Variants in ZG16 observed in about 807,000 individuals in gnomAD.
The protein encoded by ZG16 is zymogen granule protein 16.
A neutral mutation model predicts 15.6 loss-of-function variants in ZG16; 9 were observed. The ratio of observed to expected loss-of-function variants is 0.58; its 90% CI spans 0.35 to 1.00. The LOEUF (loss-of-function observed/expected upper bound fraction) is 1.00. ZG16 is among the 50% of genes least tolerant of loss of function. The pLI, the probability that ZG16 is intolerant of heterozygous loss-of-function variation, is 0.02. For missense variants in ZG16, 174 were observed against 214.8 expected (o/e 0.81, Z 1.19); for synonymous variants, 89 against 87.4 (o/e 1.02, Z -0.10).
At chr16:29,778,924 G>A (rs1024541014) in intron 1 of ZG16, among the ~76,000 whole-genome samples, 1 of 152,168 alleles carries the variant, frequency 6.6e-6, no homozygotes, top group East Asian at 1.9e-4. Context: ...ACCTGGGCTT[G>A]GCTGACTTCA....
At position 29,779,550 on chromosome 16, in the gene ZG16, G is replaced by A. The variant is rs1339417269; in HGVS notation, c.101G>A (p.Gly34Asp). 1 of 1,537,046 alleles carries A rather than the reference G, an allele frequency of 6.5e-7. No individual in the cohort carries two copies. Among genetic ancestry groups the A allele is most frequent in the Non-Finnish European group, 8.7e-7 (1 of 1,146,920 alleles). Residue 34 changes from glycine to aspartate, a missense_variant, in exon 3 of 4, where the codon GGT becomes GAT. Gly to Asp is a moderately conservative substitution (Grantham distance 94). Coordinates refer to ENST00000400752, the MANE Select transcript of ZG16 (RefSeq NM_152338.4). ...TATAGTGGAGAGTATGGAGGTGGTG[G>A]TGGAAAGCGATTCTCTCATTCTGGC... The part of the protein sequence containing the change: ...SSYSGEYGGG[G>D]GKRFSHSGNQ...
Position 29,780,271 on chromosome 16 carries a change from C to A in ZG16, c.356C>A (p.Ser119Tyr). 1 of 1,537,520 alleles carries A rather than the reference C, an allele frequency of 6.5e-7. No individual in the cohort carries two copies. The highest frequency in any genetic ancestry group is 8.7e-7 in the Non-Finnish European group (1 of 1,146,962). Reference protein sequence around the residue: ...VFVTDKGRYLSFGKDSGTSFN... With the variant: ...VFVTDKGRYLYFGKDSGTSFN... ...GTGACAGACAAGGGCCGCTATCTGT[C>A]TTTTGGGAAAGACAGTGGCACAAGT... The change falls in exon 4 of 4, where the codon TCT becomes TAT. Residue 119 changes from serine to tyrosine, a missense_variant. Physicochemically the swap from Ser to Tyr is moderately radical, Grantham distance 144 (BLOSUM62 -2). Transcript: ENST00000400752.
At position 29,780,189 on chromosome 16, in the gene ZG16, G is replaced by A. The variant is rs747455915; in HGVS notation, c.274G>A (p.Glu92Lys). The A allele has an allele frequency of 2.6e-6, 4 of 1,537,364 alleles. 1 individual carries two copies. Reference protein sequence around the residue: ...DLEEIFLHPGESVIQVSGKYK... With the variant: ...DLEEIFLHPGKSVIQVSGKYK... ...GGAGGAGATCTTTCTGCACCCTGGG[G>A]AATCAGTGATCCAGGTTTCTGGGAA... Residue 92 changes from glutamate (E) to lysine (K), a missense_variant, in exon 4 of 4, where the codon GAA (glutamate) becomes AAA (lysine). Coordinates refer to ENST00000400752, the MANE Select transcript of ZG16 (RefSeq NM_152338.4).
Position 29,780,303 on chromosome 16 carries a change from G to A in ZG16, c.388G>A (p.Ala130Thr), listed in dbSNP as rs553364691. Reference protein sequence around the residue: ...FGKDSGTSFNAVPLHPNTVLR... With the variant: ...FGKDSGTSFNTVPLHPNTVLR... ...GAAAGACAGTGGCACAAGTTTCAAT[G>A]CCGTCCCCTTGCACCCCAACACCGT... The change falls in exon 4 of 4, where the codon GCC becomes ACC. Residue 130 changes from alanine to threonine, a missense_variant. Transcript: ENST00000400752. The A allele has an allele frequency of 6.5e-7, 1 of 1,537,412 alleles. No individual in the cohort carries two copies. The highest frequency in any genetic ancestry group is 1.4e-5 in the African/African-American group (1 of 73,170).
At chr16:29,779,231 C>A in intron 1 of ZG16, 29 bp from the exon 2 acceptor site, 1 of 1,536,726 alleles carries the variant, frequency 6.5e-7, no homozygotes, top group South Asian at 1.2e-5. Flanking sequence ...GAAGGTGAAT[C>A]TTCATTTGCT....
chr16:29,779,724 C>T, intron 3 of ZG16, 87 bp downstream of exon 3: 2 of 1,459,960 alleles, frequency 1.4e-6, no homozygotes, highest in East Asian at 2.5e-5. Context: ...TCGCTTGAGG[C>T]CAGGAGTTCT....
intron 3 of ZG16, 122 bp downstream of exon 3, chr16:29,779,759 G>T: frequency 7.9e-7 from 1 of 1,258,178 alleles, no homozygotes; most frequent in Non-Finnish European, 1.1e-6. Flanking sequence ...AAGATGCCAG[G>T]GATGCCAGGG....
Position 29,779,656 on chromosome 16 carries a change from C to T in ZG16, c.188+19C>T, listed in dbSNP as rs578110863. 6.5e-7 allele frequency: 1 copy of T among 1,536,544 alleles called. No individual in the cohort carries two copies. Among genetic ancestry groups the T allele is most frequent in the African/African-American group, 1.4e-5 (1 of 73,094 alleles). On this transcript the variant is annotated intron_variant, in intron 3 of 3. Transcript: ENST00000400752. ...TCGTAGGGTAAGATTCTTTGAATTC[C>T]TGGCTGGGCGCGGTGGCTCACATCT...
At chr16:29,779,124 C>A in intron 1 of ZG16, 136 bp from the exon 2 acceptor site, 1 of 794,006 alleles carries the variant, frequency 1.3e-6, no homozygotes, top group Non-Finnish European at 2.1e-6. Flanking sequence ...CCTTTCTAAG[C>A]TCAAGACTGG....
Position 29,780,302 on chromosome 16 carries a change from T to C in ZG16, c.387T>C (p.Asn129=), listed in dbSNP as rs1458883946. 1 of 1,537,428 alleles carries C rather than the reference T, an allele frequency of 6.5e-7. No homozygotes were observed. The highest frequency in any genetic ancestry group is 8.7e-7 in the Non-Finnish European group (1 of 1,146,954). ...GGAAAGACAGTGGCACAAGTTTCAA[T>C]GCCGTCCCCTTGCACCCCAACACCG... ...SFGKDSGTSF[N]AVPLHPNTVL... The change falls in exon 4 of 4, where the codon AAT becomes AAC. Residue 129 remains asparagine (N), a synonymous_variant. Transcript: ENST00000400752.
At chr16:29,779,419 A>T in intron 2 of ZG16, 86 bp from the exon 3 acceptor site, 1 of 1,534,732 alleles carries the variant, frequency 6.5e-7, no homozygotes, top group Non-Finnish European at 8.7e-7. Context: ...TGGGGTGGGG[A>T]GCTGAGTTGT....
chr16:29,780,493 T>C lies in ZG16; in HGVS notation c.*74T>C. The C allele has an allele frequency of 6.6e-6, 8 of 1,218,652 alleles. No homozygotes were observed. The highest frequency in any genetic ancestry group is 7.4e-6 in the Non-Finnish European group (7 of 944,150). The allele number at this position is 1,218,652 out of a possible 1,614,324, so 75.5% of individuals were successfully genotyped here. ...TATCACTAACCCCCATCCAAATGGC[T>C]CAATAAAAAAAATATGGTTAAGGCT... On this transcript the variant is annotated 3_prime_UTR_variant, in exon 4 of 4. Coordinates refer to ENST00000400752, the MANE Select transcript of ZG16 (RefSeq NM_152338.4).
Position 29,779,492 on chromosome 16 carries a change from C to G in ZG16, c.56-13C>G. The G allele has an allele frequency of 6.5e-7, 1 of 1,536,546 alleles. No individual in the cohort carries two copies. Among genetic ancestry groups the G allele is most frequent in the Non-Finnish European group, 8.7e-7 (1 of 1,146,340 alleles). ...GGAAGATTTCTCCCTCCAACTCCTG[C>G]TTGCCCCTCCAGTTCAGGCCAGGTC... is the stretch of plus-strand genomic sequence containing the variant. On this transcript the variant is annotated splice_polypyrimidine_tract_variant and intron_variant, in intron 2 of 3. Transcript: ENST00000400752.
chr16:29,781,842 C>T lies in ZG16; in HGVS notation c.*1423C>T, dbSNP rs1328961822. 6.6e-6 allele frequency: 1 copy of T among 152,054 alleles called. No individual in the cohort carries two copies. The highest frequency in any genetic ancestry group is 1.9e-4 in the East Asian group (1 of 5,186). The allele number at this position is 152,054 out of a possible 1,614,324, so 9.4% of individuals were successfully genotyped here. ...TATGTCACATCCTAACAAAATGGAA[C>T]CAACCTGACACCTAAATTAAGCATT... is the stretch of plus-strand genomic sequence containing the variant. On this transcript the variant is annotated 3_prime_UTR_variant, in exon 4 of 4. Transcript: ENST00000400752.
Position 29,780,448 on chromosome 16 carries a change from A to G in ZG16, c.*29A>G, listed in dbSNP as rs1294590032. ...TCCTCTCCTTGGCAGGGGCACTGTGATGAGGAGTAAGAACTCCCTTATCAC... is the reference window on the plus strand; with the variant it reads ...TCCTCTCCTTGGCAGGGGCACTGTGGTGAGGAGTAAGAACTCCCTTATCAC... On this transcript the variant is annotated 3_prime_UTR_variant, in exon 4 of 4. Coordinates refer to ENST00000400752, the MANE Select transcript of ZG16 (RefSeq NM_152338.4). The G allele has an allele frequency of 6.7e-7, 1 of 1,498,996 alleles. No homozygotes were observed. The highest frequency in any genetic ancestry group is 2.5e-5 in the East Asian group (1 of 40,480). The allele number at this position is 1,498,996 out of a possible 1,614,324, so 92.9% of individuals were successfully genotyped here. A position where few individuals can be genotyped will look rare whatever the true frequency, so the allele number is the denominator to read the frequency against.
At chr16:29,779,221 G>A (rs578227344) in intron 1 of ZG16, 39 bp from the exon 2 acceptor site, 17 of 1,534,714 alleles carry the variant, frequency 1.1e-5, no homozygotes, top group South Asian at 6.0e-5. Context: ...CAACAAGGAA[G>A]AAGGTGAATC....
chr16:29,779,578 C>A lies in ZG16; in HGVS notation c.129C>A (p.Asn43Lys), dbSNP rs1197329232. The change falls in exon 3 of 4, where the codon AAC (asparagine) becomes AAA (lysine). Residue 43 changes from asparagine (N) to lysine (K), a missense_variant. Transcript: ENST00000400752. ...GAAAGCGATTCTCTCATTCTGGCAA[C>A]CAGTTGGACGGCCCCATCACCGCCC... ...GGGKRFSHSG[N>K]QLDGPITALR... 1 of 1,537,190 alleles carries A rather than the reference C, an allele frequency of 6.5e-7. No individual in the cohort carries two copies. Among genetic ancestry groups the A allele is most frequent in the Non-Finnish European group, 8.7e-7 (1 of 1,146,926 alleles).
chr16:29,778,625 C>A (rs1485038275), intron 1 of ZG16, among the ~76,000 whole-genome samples: 1 of 152,200 alleles, frequency 6.6e-6, no homozygotes, highest in Non-Finnish European at 1.5e-5. Context: ...GTTCCACCAG[C>A]ACTGCTTGGA....
Position 29,780,239 on chromosome 16 carries a change from G to A in ZG16, c.324G>A (p.Leu108=). The A allele has an allele frequency of 6.5e-7, 1 of 1,537,462 alleles. No individual in the cohort carries two copies. The highest frequency in any genetic ancestry group is 8.7e-7 in the Non-Finnish European group (1 of 1,146,958). Residue 108 remains leucine (L), a synonymous_variant, in exon 4 of 4, where the codon CTG becomes CTA. Coordinates refer to ENST00000400752, the MANE Select transcript of ZG16 (RefSeq NM_152338.4). ...AGTACAAGTGGTACCTGAAGAAGCT[G>A]GTATTTGTGACAGACAAGGGCCGCT... ...SGKYKWYLKK[L]VFVTDKGRYL...
Sources: allele counts gnomAD v4.1 joint callset (sites outside exome capture counted in the v4.1 genomes callset), GRCh38; gene constraint gnomAD v4.1.1; transcripts MANE v1.5; gene names NCBI Gene and HGNC (gene_info 2026-07-23, HGNC 2026-07-21).